The following RCOR1 variants were observed in gnomAD, a reference collection of about 807,000 sequenced individuals.
RCOR1 encodes REST corepressor 1.
A neutral mutation model predicts 64.0 loss-of-function variants in RCOR1; 12 were observed. The ratio of observed to expected loss-of-function variants is 0.19; its 90% confidence interval spans 0.12 to 0.30. The LOEUF is 0.30. Ranked by LOEUF, RCOR1 falls within the 10% of genes least tolerant of loss-of-function variation. The pLI is 1.00. For missense variants in RCOR1, 502 were observed against 621.2 expected (o/e 0.81, Z 2.04); for synonymous variants, 279 against 227.2 (o/e 1.23, Z -2.05).
At position 102,721,444 on chromosome 14, in the gene RCOR1, A is replaced by G. The variant is rs370678183; in HGVS notation, c.1189+67A>G. On this transcript the variant is annotated intron_variant, in intron 10 of 11. Transcript: ENST00000262241. Reference sequence around the variant, plus strand: ...GGTGGCTCACACCTGTAATCCCAACATTTTGGAAGGTTGACGCATTTGCTT... The same window carrying G: ...GGTGGCTCACACCTGTAATCCCAACGTTTTGGAAGGTTGACGCATTTGCTT... 7.6e-4 allele frequency: 918 copies of G among 1,208,316 alleles called. 2 individuals carry two copies. Among genetic ancestry groups the G allele is most frequent in the Non-Finnish European group, 9.8e-4 (801 of 820,398 alleles). 74.8% of individuals were successfully genotyped at this position (1,208,316 alleles called of 1,614,324 possible). A position where few individuals can be genotyped will look rare whatever the true frequency, so the allele number is the denominator to read the frequency against.
At chr14:102,688,854 C>G (rs148356104) in intron 3 of RCOR1, among the ~76,000 whole-genome samples, 32 of 152,290 alleles carry the variant, frequency 2.1e-4, no homozygotes, top group African/African-American at 7.5e-4. Context: ...GCATGGATTC[C>G]ACACCCTACC....
At chr14:102,611,118 G>A (rs1893624052) in intron 2 of RCOR1, among the ~76,000 whole-genome samples, 5 of 152,092 alleles carry the variant, frequency 3.3e-5, no homozygotes, top group Admixed American at 2.6e-4. Context: ...TGCCCAGACT[G>A]GAGTGGAATG....
chr14:102,619,548 T>C (rs555401344), intron 2 of RCOR1, among the ~76,000 whole-genome samples: 90 of 151,570 alleles, frequency 5.9e-4, no homozygotes, highest in Non-Finnish European at 1.1e-3. Flanking sequence ...TGGCGTGATC[T>C]TGCCTCACTG....
intron 2 of RCOR1, among the ~76,000 whole-genome samples, chr14:102,619,429 A>G (rs960059034): frequency 2.7e-5 from 4 of 147,796 alleles, no homozygotes; most frequent in South Asian, 2.1e-4. Context: ...CCATGCCTCT[A>G]TCTATCTATC....
At chr14:102,687,319 T>C (rs1895441958) in intron 3 of RCOR1, among the ~76,000 whole-genome samples, 1 of 152,252 alleles carries the variant, frequency 6.6e-6, no homozygotes, top group African/African-American at 2.4e-5. Flanking sequence ...TAGCCAGTTA[T>C]TACAGTAGCC....
intron 2 of RCOR1, among the ~76,000 whole-genome samples, chr14:102,615,447 CTTT>C (rs560136180): frequency 3.8e-5 from 5 of 131,888 alleles, no homozygotes; most frequent in Non-Finnish European, 3.3e-5. Context: ...CTGCATAATT[CTTT>C]TTTTTTTTTT....
rs1894747206 is a variant in RCOR1 at position 102,657,297 on chromosome 14, G to A, written c.362-24598G>A. ...GTATGCTTTTGGTGAGTCCTTTTAG[G>A]CGATATGTCCTCATGTTCAAGGAGT... On this transcript the variant is annotated intron_variant, in intron 2 of 11. Transcript: ENST00000262241. 7 of 985,072 alleles carry A rather than the reference G, an allele frequency of 7.1e-6. No individual in the cohort carries two copies. The South Asian group carries it at 2.8e-4, about 40-fold the overall frequency. The allele number at this position is 985,072 out of a possible 1,614,324, so 61.0% of individuals were successfully genotyped here.
In RCOR1 at chr14:102,721,086, T is replaced by C; in HGVS notation, c.1131+2T>C. ...ATAGAACCATATCGACTTCCAGAGG[T>C]AGGATTATGTTAACATCATCTTAGA... On this transcript the variant is annotated splice_donor_variant, in intron 9 of 11. Transcript: ENST00000262241. LOFTEE classifies it high-confidence loss of function. The C allele has an allele frequency of 6.5e-7, 1 of 1,533,364 alleles. No homozygotes were observed. The highest frequency in any genetic ancestry group is 8.9e-7 in the Non-Finnish European group (1 of 1,121,028). The allele number at this position is 1,533,364 out of a possible 1,614,324, so 95.0% of individuals were successfully genotyped here. A position where few individuals can be genotyped will look rare whatever the true frequency, so the allele number is the denominator to read the frequency against.
intron 2 of RCOR1, among the ~76,000 whole-genome samples, chr14:102,649,167 A>T (rs1894534901): frequency 6.6e-6 from 1 of 152,188 alleles, no homozygotes. Context: ...TCTCTTAACA[A>T]ACATAAATTA....
chr14:102,604,663 TAAGA>T (rs1169420952), intron 2 of RCOR1, among the ~76,000 whole-genome samples: 1 of 152,062 alleles, frequency 6.6e-6, no homozygotes, highest in Non-Finnish European at 1.5e-5. Context: ...TATGTTTCAG[TAAGA>T]AAGGAAAAGG....
chr14:102,625,515 A>G (rs1430631890), intron 2 of RCOR1, among the ~76,000 whole-genome samples: 1 of 150,000 alleles, frequency 6.7e-6, no homozygotes, highest in Non-Finnish European at 1.5e-5. Context: ...GATTACAGGC[A>G]TGAGCAACCG....
At chr14:102,627,666 A>C (rs1338502762) in intron 2 of RCOR1, among the ~76,000 whole-genome samples, 4 of 151,718 alleles carry the variant, frequency 2.6e-5, no homozygotes. Context: ...TAAAAAAAAA[A>C]AAAAACACAC....
chr14:102,623,125 A>G (rs952172788), intron 2 of RCOR1, among the ~76,000 whole-genome samples: 3 of 151,978 alleles, frequency 2.0e-5, no homozygotes, highest in African/African-American at 7.2e-5. Flanking sequence ...TTTGCTTTTA[A>G]CTTGCATTTA....
intron 2 of RCOR1, among the ~76,000 whole-genome samples, chr14:102,677,097 A>C (rs1196434995): frequency 6.7e-5 from 7 of 104,020 alleles, no homozygotes; most frequent in African/African-American, 1.1e-4. Flanking sequence ...ACTTCCCAGT[A>C]GGGGCGGCCG....
At position 102,593,002 on chromosome 14, in the gene RCOR1, C is replaced by T; in HGVS notation, c.116C>T (p.Ala39Val). ...TCCGCCGCCGCCTCGGCCGCCTGCG[C>T]CTCGCCAGCCGCCACTGCCGCCTCG... ...AASAAASAACASPAATAASGA... is the reference protein window; with the variant it reads ...AASAAASAACVSPAATAASGA... Residue 39 changes from alanine to valine, a missense_variant, in exon 1 of 12, where the codon GCC becomes GTC. By Grantham distance (64) the Ala-to-Val change is moderately conservative (BLOSUM62 0). Coordinates refer to ENST00000262241, the MANE Select transcript of RCOR1 (RefSeq NM_015156.4). The T allele has an allele frequency of 3.4e-6, 4 of 1,189,512 alleles. No individual in the cohort carries two copies. Among genetic ancestry groups the T allele is most frequent in the Non-Finnish European group, 4.2e-6 (4 of 960,086 alleles). 73.7% of individuals were successfully genotyped at this position (1,189,512 alleles called of 1,614,324 possible).
rs1045648208 is a variant in RCOR1, at chr14:102,643,258, T to C, written c.362-38637T>C. The stretch of plus-strand genomic sequence containing the variant: ...CAGATCATGCCACTGCACTCCAGCC[T>C]GGGCGACAGAGCGAGACTCCGTCTC... On this transcript the variant is annotated intron_variant, in intron 2 of 11. Transcript: ENST00000262241. 4.1e-6 allele frequency: 3 copies of C among 739,912 alleles called. No homozygotes were observed. The African/African-American group carries it at 5.7e-5, about 14-fold the overall frequency. 45.8% of individuals were successfully genotyped at this position (739,912 alleles called of 1,614,324 possible).
chr14:102,720,095 T>C (rs1896146734), intron 8 of RCOR1, among the ~76,000 whole-genome samples: 1 of 152,208 alleles, frequency 6.6e-6, no homozygotes, highest in African/African-American at 2.4e-5. Context: ...TCGGGTAGCA[T>C]CTTCTACTCA....
In RCOR1 at chr14:102,722,382, A is replaced by C; in HGVS notation, c.1385A>C (p.Asp462Ala). 6.2e-7 allele frequency: 1 copy of C among 1,613,868 alleles called. No homozygotes were observed. The highest frequency in any genetic ancestry group is 8.5e-7 in the Non-Finnish European group (1 of 1,179,944). The stretch of plus-strand genomic sequence containing the variant: ...AACCAGAAGCCTGTGAAGTCCCCAG[A>C]TAATTCCATTAAGATGCCCGAAGAG... ...PSNQKPVKSP[D>A]NSIKMPEEED... is the part of the protein sequence containing the mutation. The change falls in exon 11 of 12, where the codon GAT becomes GCT. Residue 462 changes from aspartate to alanine, a missense_variant. Physicochemically the swap from Asp to Ala is moderately radical, Grantham distance 126 (BLOSUM62 -2). Around this residue, in one of 2 missense-constraint regions of RCOR1, gnomAD observed 260 missense variants for 416.4 expected, o/e 0.62. Transcript: ENST00000262241.
chr14:102,684,929 G>C (rs1895385375), intron 3 of RCOR1, among the ~76,000 whole-genome samples: 1 of 152,296 alleles, frequency 6.6e-6, no homozygotes, highest in Non-Finnish European at 1.5e-5. Flanking sequence ...AGGTGTCTCA[G>C]TTTTGGAAGA....
Sources: allele counts gnomAD v4.1 joint callset (sites outside exome capture counted in the v4.1 genomes callset), GRCh38; gene constraint gnomAD v4.1.1; regional missense constraint gnomAD v4.1.1; transcripts MANE v1.5; gene names NCBI Gene and HGNC (gene_info 2026-07-23, HGNC 2026-07-21).